The following ILDR1 variants were observed in gnomAD, a reference collection of about 807,000 sequenced individuals.
ILDR1 encodes immunoglobulin-like domain-containing receptor 1.
ILDR1 carries 56 observed loss-of-function variants against 62.4 expected under a neutral mutation model. The ratio of observed to expected loss-of-function variants is 0.90; its 90% CI spans 0.72 to 1.12. ILDR1 has a LOEUF of 1.12. Among genes scored for constraint, ILDR1 ranks in the 50% most tolerant of loss-of-function variants. The pLI is 0.00. For synonymous variants in ILDR1, 284 were observed against 277.8 expected, an observed-to-expected ratio of 1.02 and a Z score of -0.22; for missense variants, 736 against 710.6, an observed-to-expected ratio of 1.04 and a Z score of -0.41.
chr3:122,007,241 G>T, intron 1 of ILDR1, 80 bp from the exon 2 acceptor site: 3 of 1,598,798 alleles, frequency 1.9e-6, no homozygotes, highest in African/African-American at 1.3e-5. Context: ...ATGGGCAAAA[G>T]ATATTGCCTG....
At chr3:122,031,633 C>T in the ILDR1 span, among the ~76,000 whole-genome samples, 1 of 152,082 alleles carries the variant, frequency 6.6e-6, no homozygotes, top group African/African-American at 2.4e-5. Flanking sequence ...ATAAGAGAGA[C>T]CCCCAAAAAA....
In ILDR1 at chr3:121,988,425, TAC is replaced by T. The variant is rs1342566228; in HGVS notation, c.1600-19_1600-18del. On this transcript the variant is annotated intron_variant, in intron 7 of 7. Coordinates refer to ENST00000344209, the MANE Select transcript of ILDR1 (RefSeq NM_001199799.2). ...GTCTTTCTCCTGGGAAATAGAAGAA[TAC>T]ACACACAAAAAAAATCCAGTCAGTG... The T allele has an allele frequency of 2.5e-6, 4 of 1,609,602 alleles. No individual in the cohort carries two copies. The highest frequency in any genetic ancestry group is 3.4e-6 in the Non-Finnish European group (4 of 1,176,136).
At chr3:122,050,353 T>C in the ILDR1 span, among the ~76,000 whole-genome samples, 524 of 152,310 alleles carry the variant, frequency 3.4e-3, 3 homozygotes, top group African/African-American at 0.01. Context: ...TCTCTTGCTA[T>C]CTTCCTTTGT....
In ILDR1 at chr3:122,001,358, C is replaced by A; in HGVS notation, c.596G>T (p.Cys199Phe). The A allele has an allele frequency of 6.2e-7, 1 of 1,614,178 alleles. No homozygotes were observed. Among genetic ancestry groups the A allele is most frequent in the Non-Finnish European group, 8.5e-7 (1 of 1,180,036 alleles). Residue 199 changes from cysteine (C) to phenylalanine (F), a missense_variant, in exon 5 of 8, where the codon TGC becomes TTC. By Grantham distance (205) the Cys-to-Phe change is radical. Coordinates refer to ENST00000344209, the MANE Select transcript of ILDR1 (RefSeq NM_001199799.2). Reference protein sequence around the residue: ...WCQCCPQYCCCYIRCPCCPAH... With the variant: ...WCQCCPQYCCFYIRCPCCPAH... ...AGGACAGCAGGGACAGCGGATATAG[C>A]AGCAGCAATACTGAGGACAGCACTG...
rs138334785 is a variant in ILDR1, at chr3:121,993,777, G to A, written c.972C>T (p.Val324=). Residue 324 remains valine (V), a synonymous_variant, in exon 7 of 8, where the codon GTC becomes GTT. Transcript: ENST00000344209. ...CSMLSSLGSE[V]VERRIIHLPP... ...GCAGGTGGATGATTCTGCGTTCCACGACCTCAGAGCCCAGGGAGGACAGCA... is the reference window on the plus strand; with the variant it reads ...GCAGGTGGATGATTCTGCGTTCCACAACCTCAGAGCCCAGGGAGGACAGCA... The A allele has an allele frequency of 8.7e-5, 140 of 1,614,114 alleles. No homozygotes were observed. In the East Asian group the frequency reaches 2.6e-3, roughly 30 times the overall value.
At chr3:122,035,778 A>T in the ILDR1 span, among the ~76,000 whole-genome samples, 10 of 152,202 alleles carry the variant, frequency 6.6e-5, no homozygotes, top group Non-Finnish European at 1.5e-4. Flanking sequence ...AAAATTACCC[A>T]GTCTCATGTA....
intron 1 of ILDR1, among the ~76,000 whole-genome samples, chr3:122,017,734 A>C (rs994596161): frequency 3.9e-5 from 6 of 152,226 alleles, no homozygotes; most frequent in Admixed American, 2.0e-4. Context: ...TGGGCAAAGG[A>C]TATGAACAGA....
At chr3:122,038,667 T>C in the ILDR1 span, among the ~76,000 whole-genome samples, 5 of 152,156 alleles carry the variant, frequency 3.3e-5, no homozygotes, top group African/African-American at 1.2e-4. Flanking sequence ...GATACAGATA[T>C]AACAAAGATG....
At chr3:122,005,168 G>T in intron 3 of ILDR1, 76 bp downstream of exon 3, 1 of 1,058,388 alleles carries the variant, frequency 9.4e-7, no homozygotes. Context: ...GAAATCCCAT[G>T]CTGACTCAGC....
At chr3:122,011,312 TG>T (rs2071698733) in intron 1 of ILDR1, among the ~76,000 whole-genome samples, 2 of 152,184 alleles carry the variant, frequency 1.3e-5, no homozygotes, top group South Asian at 4.2e-4. Context: ...GAAATTGCTG[TG>T]GGGTAGCTTT....
chr3:121,988,167 A>G lies in ILDR1; in HGVS notation c.*200T>C. 1.5e-6 allele frequency: 1 copy of G among 659,194 alleles called. No homozygotes were observed. Among genetic ancestry groups the G allele is most frequent in the South Asian group, 1.5e-5 (1 of 66,264 alleles). The allele number at this position is 659,194 out of a possible 1,614,324, so 40.8% of individuals were successfully genotyped here. Reference sequence around the variant, plus strand: ...GTCTCAAGTGATTCTTAGCCTCCCAAAGTGCTGTGATTACAGGTGTGAGCC... The same window carrying G: ...GTCTCAAGTGATTCTTAGCCTCCCAGAGTGCTGTGATTACAGGTGTGAGCC... On this transcript the variant is annotated 3_prime_UTR_variant, in exon 8 of 8. Coordinates refer to ENST00000344209, the MANE Select transcript of ILDR1 (RefSeq NM_001199799.2).
upstream of ILDR1, among the ~76,000 whole-genome samples, chr3:122,025,679 T>C (rs2071913134): frequency 6.6e-6 from 1 of 152,176 alleles, no homozygotes. Context: ...GTTAGAATAA[T>C]GTAATATTTG....
At position 121,993,610 on chromosome 3, in the gene ILDR1, A is replaced by T; in HGVS notation, c.1139T>A (p.Leu380His). The change falls in exon 7 of 8, where the codon CTC becomes CAC. Residue 380 changes from leucine to histidine, a missense_variant. By Grantham distance (99) the Leu-to-His change is moderately conservative (BLOSUM62 -3). Transcript: ENST00000344209. ...HHHYPDFHQE[L>H]QDRGPKSWAL... ...CCAAGACTTTGGCCCCCGGTCCTGG[A>T]GCTCCTGGTGGAAATCAGGGTAATG... is the stretch of plus-strand genomic sequence containing the variant. 1 of 1,614,104 alleles carries T rather than the reference A, an allele frequency of 6.2e-7. No homozygotes were observed. The highest frequency in any genetic ancestry group is 8.5e-7 in the Non-Finnish European group (1 of 1,180,026).
intron 7 of ILDR1, among the ~76,000 whole-genome samples, chr3:121,991,323 GA>G (rs1293344009): frequency 1.3e-5 from 2 of 152,190 alleles, no homozygotes; most frequent in East Asian, 3.8e-4. Context: ...TACAGAAAAT[GA>G]AAAGAAAATA....
intron 1 of ILDR1, among the ~76,000 whole-genome samples, chr3:122,009,161 C>T (rs928517516): frequency 6.6e-6 from 1 of 151,710 alleles, no homozygotes; most frequent in Admixed American, 6.6e-5. Flanking sequence ...GAACTCCTAA[C>T]CTCAAGCAAT....
At chr3:122,047,880 C>T in the ILDR1 span, among the ~76,000 whole-genome samples, 13 of 152,350 alleles carry the variant, frequency 8.5e-5, no homozygotes, top group South Asian at 1.0e-3. Flanking sequence ...TCTTCTGCGT[C>T]GCTCACGCTG....
At chr3:122,047,108 C>G in the ILDR1 span, among the ~76,000 whole-genome samples, 11 of 146,784 alleles carry the variant, frequency 7.5e-5, no homozygotes, top group Non-Finnish European at 1.5e-4. Flanking sequence ...GTGTGGATGT[C>G]CTTTCTGTTT....
Position 121,994,256 on chromosome 3 carries a change from C to T in ILDR1, c.704G>A (p.Gly235Glu), listed in dbSNP as rs2107645797. The T allele has an allele frequency of 6.5e-7, 1 of 1,536,040 alleles. No individual in the cohort carries two copies. The highest frequency in any genetic ancestry group is 8.7e-7 in the Non-Finnish European group (1 of 1,146,878). The change falls in exon 6 of 8, where the codon GGA becomes GAA. Residue 235 changes from glycine (G) to glutamate (E), a missense_variant. Gly to Glu is a moderately conservative substitution (Grantham distance 98). Transcript: ENST00000344209. ...QAQALGPQMM[G>E]KPLYWGADRS... is the part of the protein sequence containing the mutation. Reference sequence around the variant, plus strand: ...GTCCGCCCCCCAGTACAGGGGTTTTCCCATCATCTGAGGACCTAGGGCCTG... The same window carrying T: ...GTCCGCCCCCCAGTACAGGGGTTTTTCCATCATCTGAGGACCTAGGGCCTG...
rs566353260 is a variant in ILDR1 at position 122,006,650 on chromosome 3, G to A, written c.229+341C>T. Among the ~76,000 whole-genome samples, 4 of 152,184 alleles carry A rather than the reference G, an allele frequency of 2.6e-5. No individual in the cohort carries two copies. The South Asian group carries it at 6.2e-4, about 24-fold the overall frequency. ...GCCTGCATTCTAAGGTGGTGGGGGT[G>A]AGGGGAGGCGGGCCTGCATCATCAG... is the stretch of plus-strand genomic sequence containing the variant. On this transcript the variant is annotated intron_variant, in intron 2 of 7. Coordinates refer to ENST00000344209, the MANE Select transcript of ILDR1 (RefSeq NM_001199799.2).
Sources: gnomAD v4.1 joint callset for allele counts (sites outside exome capture counted in the v4.1 genomes callset) on GRCh38, gnomAD v4.1.1 for gene constraint, MANE v1.5 for transcripts, NCBI Gene and HGNC (gene_info 2026-07-23, HGNC 2026-07-21) for gene names.